The following RGS12 variants were observed in gnomAD, a reference collection of about 807,000 sequenced individuals.
The protein encoded by RGS12 is regulator of G-protein signaling 12.
In RGS12, 66 loss-of-function variants were observed where a neutral mutation model predicts 120.1. The ratio of observed to expected loss-of-function variants is 0.55; its 90% CI spans 0.45 to 0.67. The LOEUF (loss-of-function observed/expected upper bound fraction) is 0.67, where lower values mean the gene tolerates loss of function less well. Ranked by LOEUF, RGS12 falls within the 30% of genes least tolerant of loss-of-function variation. The pLI, the probability that RGS12 is intolerant of heterozygous loss-of-function variation, is 0.00. For missense variants in RGS12, 1,859 were observed against 1,957.7 expected, an observed-to-expected ratio of 0.95 and a Z score of 0.95; for synonymous variants, 827 against 804.7, an observed-to-expected ratio of 1.03 and a Z score of -0.47.
rs1196926360 is a variant in RGS12 at position 3,372,499 on chromosome 4, C to G, written c.1999-13917C>G. Among the ~76,000 whole-genome samples, 1 of 152,228 alleles carries G rather than the reference C, an allele frequency of 6.6e-6. No individual in the cohort carries two copies. The highest frequency in any genetic ancestry group is 1.5e-5 in the Non-Finnish European group (1 of 68,030). On this transcript the variant is annotated intron_variant, in intron 3 of 17. Transcript: ENST00000336727. This position sits in a 1 kb window ranked among gnomAD's most constrained non-coding sequence, Gnocchi z 4.3. ...CCGAGCTGTTGGCTTCCCCGATGTT[C>G]CCCCTGTGCTCGAGCTAGGGGTTTG...
chr4:3,344,267 C>T (rs933912762), intron 3 of RGS12, among the ~76,000 whole-genome samples: 30 of 152,090 alleles, frequency 2.0e-4, no homozygotes, highest in Admixed American at 4.6e-4. Flanking sequence ...CCGGGGAACT[C>T]GAGGGCAGGT....
intron 4 of RGS12, among the ~76,000 whole-genome samples, chr4:3,391,446 A>T (rs1277082372): frequency 6.6e-6 from 1 of 152,194 alleles, no homozygotes; most frequent in African/African-American, 2.4e-5. Context: ...TATCTTCCAG[A>T]GTTAACGTGT....
intron 15 of RGS12, 113 bp downstream of exon 15, chr4:3,428,282 C>A: frequency 9.8e-7 from 1 of 1,021,422 alleles, no homozygotes; most frequent in Non-Finnish European, 1.6e-6. Flanking sequence ...GTGTGTCTCC[C>A]CCACGCTCCT....
At chr4:3,414,024 C>T (rs1481272027) in intron 4 of RGS12, 48 bp from the exon 5 acceptor site, 19 of 1,481,480 alleles carry the variant, frequency 1.3e-5, no homozygotes, top group Non-Finnish European at 1.7e-5. Flanking sequence ...AGTCACTGGG[C>T]CGGGGCGGAG....
rs1287608975 is a variant in RGS12 at position 3,425,646 on chromosome 4, G to T, written c.3331+86G>T. 1.2e-5 allele frequency: 11 copies of T among 882,022 alleles called. No individual in the cohort carries two copies. In the Admixed American group the frequency reaches 2.2e-4, roughly 18 times the overall value. 54.6% of individuals were successfully genotyped at this position (882,022 alleles called of 1,614,324 possible). ...GCTATGGAGCCGGTGCAGGGGAGGG[G>T]GTGAGTGGGGCCAGTGCAGGGGAGG... On this transcript the variant is annotated intron_variant, in intron 14 of 17. Coordinates refer to ENST00000336727, the MANE Select transcript of RGS12 (RefSeq NM_001394154.1).
chr4:3,434,537 C>T lies in RGS12; in HGVS notation c.4114+3582C>T, dbSNP rs553004370. 2.2e-3 allele frequency among the ~76,000 whole-genome samples: 330 copies of T among 152,298 alleles called. 1 individual carries two copies. The highest frequency in any genetic ancestry group is 4.4e-3 in the South Asian group (21 of 4,822). On this transcript the variant is annotated intron_variant, in intron 17 of 17. Transcript: ENST00000336727. ...ACACAGGGACCCTCCAAAATGCTCA[C>T]CTTCTGTTCTCGTGGGGAGGGAGCA...
chr4:3,354,180 G>A (rs1714651351), intron 3 of RGS12, among the ~76,000 whole-genome samples: 1 of 152,174 alleles, frequency 6.6e-6, no homozygotes, highest in East Asian at 1.9e-4. Context: ...TGCCCAGCCA[G>A]CTTGCCCCAG....
intron 3 of RGS12, among the ~76,000 whole-genome samples, chr4:3,368,135 G>T (rs1260920473): frequency 6.6e-6 from 1 of 152,162 alleles, no homozygotes; most frequent in Non-Finnish European, 1.5e-5. Flanking sequence ...GCCCTGGGGG[G>T]CCAGGATGCT....
intron 3 of RGS12, chr4:3,378,216 A>G (rs867396324): frequency 6.6e-6 from 1 of 152,228 alleles, no homozygotes; most frequent in Non-Finnish European, 1.5e-5. Context: ...CCCTGAAGTC[A>G]TATGGAGAAA....
At chr4:3,294,595 G>T (rs758192680) in intron 1 of RGS12, among the ~76,000 whole-genome samples, 6 of 152,224 alleles carry the variant, frequency 3.9e-5, no homozygotes, top group African/African-American at 1.2e-4. Flanking sequence ...CTCTGCAGGT[G>T]GGGGAGGCCA....
intron 2 of RGS12, among the ~76,000 whole-genome samples, chr4:3,341,949 C>CA (rs1284196977): frequency 6.6e-6 from 1 of 150,760 alleles, no homozygotes; most frequent in Non-Finnish European, 1.5e-5. Flanking sequence ...CAGCGCAGTG[C>CA]AGGGAGACCC....
At chr4:3,355,465 A>G (rs920431498) in intron 3 of RGS12, among the ~76,000 whole-genome samples, 2 of 152,104 alleles carry the variant, frequency 1.3e-5, no homozygotes, top group African/African-American at 4.8e-5. Flanking sequence ...TTCTCGGATG[A>G]TGTGATTGTT....
intron 4 of RGS12, among the ~76,000 whole-genome samples, chr4:3,412,495 C>G (rs1438148679): frequency 6.6e-6 from 1 of 152,248 alleles, no homozygotes; most frequent in African/African-American, 2.4e-5. Context: ...GTTCTATTTG[C>G]TGGCCTGGAG....
chr4:3,331,221 C>T (rs1315539259), intron 2 of RGS12, among the ~76,000 whole-genome samples: 1 of 152,096 alleles, frequency 6.6e-6, no homozygotes, highest in Admixed American at 6.5e-5. Flanking sequence ...GAAACCTATA[C>T]ATTTTAAAGT....
At chr4:3,323,637 A>G (rs1446184280) in intron 2 of RGS12, among the ~76,000 whole-genome samples, 1 of 152,244 alleles carries the variant, frequency 6.6e-6, no homozygotes, top group Non-Finnish European at 1.5e-5. Flanking sequence ...TTACTGAATC[A>G]GTCCCCAGTT....
chr4:3,415,855 A>C, intron 6 of RGS12, 123 bp from the exon 7 acceptor site: 1 of 940,578 alleles, frequency 1.1e-6, no homozygotes, highest in Non-Finnish European at 1.6e-6. Context: ...TATTCAAGCA[A>C]GAGGTATTTA....
At chr4:3,309,480 G>A (rs1260550121) in intron 1 of RGS12, among the ~76,000 whole-genome samples, 4 of 133,082 alleles carry the variant, frequency 3.0e-5, no homozygotes, top group Non-Finnish European at 6.4e-5. Context: ...GAGGGGAACC[G>A]TGTGGGGGAG....
chr4:3,414,974 C>T (rs1405258659), intron 6 of RGS12, 130 bp downstream of exon 6: 2 of 327,360 alleles, frequency 6.1e-6, no homozygotes, highest in Admixed American at 5.5e-5. Context: ...GTGAGAGGGG[C>T]GTGTGAGAGG....
intron 2 of RGS12, chr4:3,342,349 T>A: frequency 8.7e-7 from 1 of 1,143,606 alleles, no homozygotes; most frequent in Non-Finnish European, 1.1e-6. Flanking sequence ...ACAACATAGA[T>A]GTTTGTCGAA....
Sources: allele counts gnomAD v4.1 joint callset (sites outside exome capture counted in the v4.1 genomes callset), GRCh38; gene constraint gnomAD v4.1.1; non-coding constraint Gnocchi (gnomAD v3.1); transcripts MANE v1.5; gene names NCBI Gene and HGNC (gene_info 2026-07-23, HGNC 2026-07-21).